The following OTOF variants were observed in gnomAD, a reference collection of about 807,000 sequenced individuals.
OTOF encodes otoferlin, also known as fer-1-like family member 2.
A neutral mutation model predicts 236.8 loss-of-function variants in OTOF; 218 were observed. The observed-to-expected ratio is 0.92, with a 90% CI of 0.82 to 1.03. The LOEUF (loss-of-function observed/expected upper bound fraction) is 1.03, where lower values mean the gene tolerates loss of function less well. Among genes scored for constraint, OTOF ranks in the 50% least tolerant of loss-of-function variants. OTOF has a pLI of 0.00. For synonymous variants in OTOF, 1,041 were observed against 1,072.5 expected (o/e 0.97, Z 0.57); for missense variants, 2,590 against 2,694.4 (o/e 0.96, Z 0.86).
In OTOF at chr2:26,457,918, G is replaced by T; in HGVS notation, c.*320C>A. Reference sequence around the variant, plus strand: ...CCCCCGCAAGCAGGAGGCAGGCTCGGCCCAAGGCATGAAGAGTGGACGCTG... The same window carrying T: ...CCCCCGCAAGCAGGAGGCAGGCTCGTCCCAAGGCATGAAGAGTGGACGCTG... On this transcript the variant is annotated 3_prime_UTR_variant, in exon 47 of 47. Transcript: ENST00000272371. The surrounding 1 kb of genome is among the most constrained non-coding windows in gnomAD (Gnocchi z 4.4). 9.6e-7 allele frequency: 1 copy of T among 1,042,566 alleles called. No individual in the cohort carries two copies. Among genetic ancestry groups the T allele is most frequent in the Non-Finnish European group, 1.4e-6 (1 of 709,196 alleles). The allele number at this position is 1,042,566 out of a possible 1,614,324, so 64.6% of individuals were successfully genotyped here. A position where few individuals can be genotyped will look rare whatever the true frequency, so the allele number is the denominator to read the frequency against.
intron 2 of OTOF, among the ~76,000 whole-genome samples, chr2:26,530,676 C>T (rs1403258733): frequency 1.3e-5 from 2 of 152,146 alleles, no homozygotes; most frequent in Non-Finnish European, 2.9e-5. Context: ...CTGCTTTCTT[C>T]TCCTCACCAC....
At chr2:26,531,396 G>A (rs573720681) in intron 2 of OTOF, among the ~76,000 whole-genome samples, 2 of 152,228 alleles carry the variant, frequency 1.3e-5, no homozygotes, top group East Asian at 1.9e-4. Context: ...AAAGAGGGGG[G>A]TGACAATATC....
In OTOF at chr2:26,480,983, A is replaced by G; in HGVS notation, c.1606T>C (p.Trp536Arg). 1 of 1,613,026 alleles carries G rather than the reference A, an allele frequency of 6.2e-7. No homozygotes were observed. The highest frequency in any genetic ancestry group is 1.6e-4 in the Middle Eastern group (1 of 6,062). The change falls in exon 15 of 47, where the codon TGG (tryptophan) becomes CGG (arginine). Residue 536 changes from tryptophan (W) to arginine (R), a missense_variant. Physicochemically the swap from Trp to Arg is moderately radical, Grantham distance 101 (BLOSUM62 -3). This residue lies in a region of OTOF where 1,379 missense variants were observed against 1,341.6 expected (regional missense o/e 1.03). Coordinates refer to ENST00000272371, the MANE Select transcript of OTOF (RefSeq NM_194248.3). ...CGTGTGGAGCCGTACATGTTCACCC[A>G]GGCTGGGCCCAGTGTGGGCAGGAAG... The part of the protein sequence containing the change: ...KGFLPTLGPA[W>R]VNMYGSTRNY...
Position 26,516,480 on chromosome 2 carries a change from C to G in OTOF, c.447G>C (p.Thr149=). The G allele has an allele frequency of 1.2e-6, 2 of 1,613,946 alleles. No homozygotes were observed. Among genetic ancestry groups the G allele is most frequent in the South Asian group, 2.2e-5 (2 of 91,084 alleles). The change falls in exon 5 of 47, where the codon ACG becomes ACC. Residue 149 remains threonine, a synonymous_variant. Coordinates refer to ENST00000272371, the MANE Select transcript of OTOF (RefSeq NM_194248.3). ...GCCGGGAGCCTGGGAGCAGTCCATC[C>G]GTCTCTTGGCTGTCCTTCTCTTCCT... The part of the protein sequence containing the change: ...LQEEEKDSQE[T]DGLLPGSRPS...
Position 26,484,202 on chromosome 2 carries a change from C to A in OTOF, c.1205+272G>T, listed in dbSNP as rs550078142. On this transcript the variant is annotated intron_variant, in intron 12 of 46. Coordinates refer to ENST00000272371, the MANE Select transcript of OTOF (RefSeq NM_194248.3). ...GCACTTCCTGCTGCTATACTCAGGA[C>A]CCAGCAGCTGCTGGTTCTGGTCTGC... Among the ~76,000 whole-genome samples the A allele has an allele frequency of 4.7e-4, 71 of 152,356 alleles. No homozygotes were observed. The Middle Eastern group carries it at 0.01, about 22-fold the overall frequency.
intron 5 of OTOF, among the ~76,000 whole-genome samples, chr2:26,506,024 T>C (rs1666238906): frequency 6.6e-6 from 1 of 152,162 alleles, no homozygotes; most frequent in Non-Finnish European, 1.5e-5. Flanking sequence ...CGTGTGATGG[T>C]GGGGAAAGGA....
chr2:26,503,191 TC>T (rs1244520131), intron 6 of OTOF, among the ~76,000 whole-genome samples: 1 of 152,164 alleles, frequency 6.6e-6, no homozygotes, highest in African/African-American at 2.4e-5. Flanking sequence ...CCCTCCCAGC[TC>T]CCCTGTCCTC....
Position 26,475,958 on chromosome 2 carries a change from G to A in OTOF, c.2947C>T (p.Pro983Ser). 1 of 1,612,194 alleles carries A rather than the reference G, an allele frequency of 6.2e-7. No homozygotes were observed. The highest frequency in any genetic ancestry group is 1.1e-5 in the South Asian group (1 of 90,854). Reference sequence around the variant, plus strand: ...TTGATGAAGAAGACGCGGGCAAAGGGGTCTGAGAGTCCGCTGCTGTCGGCG... The same window carrying A: ...TTGATGAAGAAGACGCGGGCAAAGGAGTCTGAGAGTCCGCTGCTGTCGGCG... Reference protein sequence around the residue: ...FAADSSGLSDPFARVFFINQS... With the variant: ...FAADSSGLSDSFARVFFINQS... Residue 983 changes from proline to serine, a missense_variant, in exon 24 of 47, where the codon CCC becomes TCC. Physicochemically the swap from Pro to Ser is moderately conservative, Grantham distance 74. Transcript: ENST00000272371.
intron 12 of OTOF, among the ~76,000 whole-genome samples, 195 bp downstream of exon 12, chr2:26,484,279 G>A (rs976757289): frequency 6.6e-6 from 1 of 152,224 alleles, no homozygotes; most frequent in Non-Finnish European, 1.5e-5. Flanking sequence ...GATGTCAAAG[G>A]ACTGATATTC....
At chr2:26,489,011 G>A (rs533532922) in intron 11 of OTOF, among the ~76,000 whole-genome samples, 200 bp downstream of exon 11, 3 of 152,354 alleles carry the variant, frequency 2.0e-5, no homozygotes, top group Admixed American at 2.0e-4. Flanking sequence ...ACCAGACTGG[G>A]TGCGCAGTTG....
chr2:26,473,360 G>C lies in OTOF; in HGVS notation c.3570+46C>G, dbSNP rs181720802. 6.2e-7 allele frequency: 1 copy of C among 1,612,932 alleles called. No homozygotes were observed. Among genetic ancestry groups the C allele is most frequent in the Non-Finnish European group, 8.5e-7 (1 of 1,179,848 alleles). ...GCAGAGGAAGCCGGCTGGCTGAGTGGAGCCACACTGGCCACAGGATGTCCT... is the reference window on the plus strand; with the variant it reads ...GCAGAGGAAGCCGGCTGGCTGAGTGCAGCCACACTGGCCACAGGATGTCCT... On this transcript the variant is annotated intron_variant, in intron 28 of 46. Transcript: ENST00000272371. The surrounding 1 kb of genome is among the most constrained non-coding windows in gnomAD (Gnocchi z 7.2).
Position 26,469,950 on chromosome 2 carries a change from G to A in OTOF, c.4023+643C>T, listed in dbSNP as rs552143767. Among the ~76,000 whole-genome samples, 16 of 152,334 alleles carry A rather than the reference G, an allele frequency of 1.1e-4. No homozygotes were observed. In the South Asian group the frequency reaches 3.3e-3, roughly 32 times the overall value. On this transcript the variant is annotated intron_variant, in intron 32 of 46. Coordinates refer to ENST00000272371, the MANE Select transcript of OTOF (RefSeq NM_194248.3). ...CCCTGAGCTAGGTAGGCAGCGTGGA[G>A]AGGACACAAACAAGAAAGCAGAGAA...
At chr2:26,489,639 G>A (rs768578009) in intron 10 of OTOF, 39 bp downstream of exon 10, 2 of 1,558,368 alleles carry the variant, frequency 1.3e-6, no homozygotes, top group Non-Finnish European at 1.8e-6. Flanking sequence ...TGCAGTTTGA[G>A]GGAGTGGCCC....
intron 5 of OTOF, among the ~76,000 whole-genome samples, chr2:26,507,541 T>C (rs1278299837): frequency 6.6e-6 from 1 of 152,254 alleles, no homozygotes; most frequent in African/African-American, 2.4e-5. Flanking sequence ...TCCGTTGTCC[T>C]GGCCTTTTTT....
At chr2:26,549,789 T>G (rs1482551153) in intron 1 of OTOF, among the ~76,000 whole-genome samples, 1 of 152,126 alleles carries the variant, frequency 6.6e-6, no homozygotes, top group East Asian at 1.9e-4. Context: ...AAACTCTGAC[T>G]TTGCCCTGCA....
rs1284784473 is a variant in OTOF at position 26,466,449 on chromosome 2, GC to G, written c.4500+264del. 7.6e-6 allele frequency: 4 copies of G among 524,170 alleles called. No individual in the cohort carries two copies. The Admixed American group carries it at 8.7e-5, about 11-fold the overall frequency. 32.5% of individuals were successfully genotyped at this position (524,170 alleles called of 1,614,324 possible). ...CCTCCCAGGTTCAAGCGATTTTCCTGCCTCAGCCTCCTCAGTAGCTGGGATT... is the reference window on the plus strand; with the variant it reads ...CCTCCCAGGTTCAAGCGATTTTCCTGCTCAGCCTCCTCAGTAGCTGGGATT... On this transcript the variant is annotated intron_variant, in intron 36 of 46. Coordinates refer to ENST00000272371, the MANE Select transcript of OTOF (RefSeq NM_194248.3).
chr2:26,478,720 A>G (rs1018861597), intron 18 of OTOF, among the ~76,000 whole-genome samples: 1 of 150,534 alleles, frequency 6.6e-6, no homozygotes, highest in African/African-American at 2.5e-5. Flanking sequence ...ATTTTTTGAG[A>G]TGAAGTTTTG....
chr2:26,475,802 C>T (rs1665227846), intron 24 of OTOF, 112 bp downstream of exon 24: 17 of 1,395,166 alleles, frequency 1.2e-5, no homozygotes, highest in Non-Finnish European at 1.6e-5. Context: ...ACTGGCTGAC[C>T]TGTGGCTCCA....
chr2:26,524,534 C>G (rs1447359028), intron 3 of OTOF, among the ~76,000 whole-genome samples: 1 of 152,098 alleles, frequency 6.6e-6, no homozygotes, highest in Non-Finnish European at 1.5e-5. Context: ...CCAAAAACAC[C>G]TAATAGAAGC....
Sources: allele counts gnomAD v4.1 joint callset (sites outside exome capture counted in the v4.1 genomes callset), GRCh38; gene constraint gnomAD v4.1.1; regional missense constraint gnomAD v4.1.1; non-coding constraint Gnocchi (gnomAD v3.1); transcripts MANE v1.5; gene names NCBI Gene and HGNC (gene_info 2026-07-23, HGNC 2026-07-21).